Variants in CDH10 observed in about 807,000 individuals in gnomAD.
CDH10 encodes the protein cadherin-10.
CDH10 carries 30 observed loss-of-function variants against 73.1 expected under a neutral mutation model. The ratio of observed to expected loss-of-function variants is 0.41; its 90% CI spans 0.31 to 0.56. The LOEUF (loss-of-function observed/expected upper bound fraction) is 0.56. CDH10 is among the 20% of genes least tolerant of loss of function. The pLI, the probability that CDH10 is intolerant of heterozygous loss-of-function variation, is 0.27. For missense variants in CDH10, 815 were observed against 973.7 expected (o/e 0.84, Z 2.17); for synonymous variants, 345 against 348.2 (o/e 0.99, Z 0.10).
At chr5:24,546,880 C>A (rs72749771) in intron 2 of CDH10, among the ~76,000 whole-genome samples, 1 of 151,824 alleles carries the variant, frequency 6.6e-6, no homozygotes, top group Non-Finnish European at 1.5e-5. Flanking sequence ...AGATGTCAAA[C>A]AAATAAATAA....
chr5:24,493,128 A>T lies in CDH10; in HGVS notation c.1516-203T>A, dbSNP rs112755207. Reference sequence around the variant, plus strand: ...CTCTCATCTCTGTGTCTTTTGGATCATACCCTTTACTTCAAAATGGTAAAT... The same window carrying T: ...CTCTCATCTCTGTGTCTTTTGGATCTTACCCTTTACTTCAAAATGGTAAAT... On this transcript the variant is annotated intron_variant, in intron 9 of 11. Coordinates refer to ENST00000264463, the MANE Select transcript of CDH10 (RefSeq NM_006727.5). 3.2e-3 allele frequency among the ~76,000 whole-genome samples: 480 copies of T among 152,114 alleles called. 2 individuals are homozygous for T. Among genetic ancestry groups the T allele is most frequent in the African/African-American group, 0.011 (464 of 41,556 alleles).
At position 24,491,861 on chromosome 5, in the gene CDH10, G is replaced by A. The variant is rs145810879; in HGVS notation, c.1625-34C>T. ...AATTTTAAAATATTACAAATGGTTT[G>A]GGATAGTAAATTTTTCCCAATGTGA... On this transcript the variant is annotated intron_variant, in intron 10 of 11. Coordinates refer to ENST00000264463, the MANE Select transcript of CDH10 (RefSeq NM_006727.5). 1.1e-3 allele frequency: 1,574 copies of A among 1,450,452 alleles called. 2 individuals carry two copies. The highest frequency in any genetic ancestry group is 1.4e-3 in the Non-Finnish European group (1,504 of 1,056,446). 89.8% of individuals were successfully genotyped at this position (1,450,452 alleles called of 1,614,324 possible). A position where few individuals can be genotyped will look rare whatever the true frequency, so the allele number is the denominator to read the frequency against.
intron 2 of CDH10, among the ~76,000 whole-genome samples, chr5:24,543,692 CCAA>C (rs1000362727): frequency 2.6e-5 from 4 of 151,734 alleles, no homozygotes; most frequent in East Asian, 1.9e-4. Flanking sequence ...AAATTTGCAC[CCAA>C]CAACAACAAC....
chr5:24,582,021 T>C (rs10942061), intron 2 of CDH10, among the ~76,000 whole-genome samples: 58,418 of 152,068 alleles, frequency 0.38, 13,654 homozygotes, highest in East Asian at 0.54. Flanking sequence ...GTTTTACTGG[T>C]TACAACTTAG....
intron 2 of CDH10, among the ~76,000 whole-genome samples, chr5:24,572,069 A>G (rs1745403726): frequency 6.6e-6 from 1 of 151,272 alleles, no homozygotes; most frequent in African/African-American, 2.5e-5. Flanking sequence ...TCAGGAAACA[A>G]GCAAACAAAC....
intron 1 of CDH10, among the ~76,000 whole-genome samples, chr5:24,617,457 T>C (rs1747164167): frequency 6.6e-6 from 1 of 152,182 alleles, no homozygotes; most frequent in Non-Finnish European, 1.5e-5. Context: ...TTAAGCATAC[T>C]GATCATTAGT....
intron 1 of CDH10, among the ~76,000 whole-genome samples, chr5:24,601,311 G>A (rs2112117639): frequency 6.6e-6 from 1 of 152,298 alleles, no homozygotes; most frequent in African/African-American, 2.4e-5. Flanking sequence ...GTAATGTTAT[G>A]TGATTTGCTC....
intron 5 of CDH10, among the ~76,000 whole-genome samples, chr5:24,524,486 A>G (rs899525700): frequency 1.7e-5 from 2 of 117,634 alleles, no homozygotes; most frequent in African/African-American, 6.2e-5. Flanking sequence ...ACCTATTTGC[A>G]TGCTCCTTAT....
chr5:24,588,472 A>C (rs1746093445), intron 2 of CDH10, among the ~76,000 whole-genome samples: 1 of 152,178 alleles, frequency 6.6e-6, no homozygotes, highest in South Asian at 2.1e-4. Flanking sequence ...TCAGTTATGA[A>C]GTAGAGTGTT....
chr5:24,570,062 G>A (rs1046634422), intron 2 of CDH10, among the ~76,000 whole-genome samples: 4 of 152,070 alleles, frequency 2.6e-5, no homozygotes, highest in African/African-American at 9.7e-5. Context: ...CACTGCGCCC[G>A]GCCAACAAGT....
chr5:24,581,262 AT>A (rs35350572), intron 2 of CDH10, among the ~76,000 whole-genome samples: 58,371 of 151,952 alleles, frequency 0.38, 13,646 homozygotes, highest in East Asian at 0.54. Context: ...GAACCTCTCA[AT>A]TTTAAAGCAT....
chr5:24,613,289 A>G (rs928802593), intron 1 of CDH10: 6 of 152,090 alleles, frequency 3.9e-5, no homozygotes, highest in Admixed American at 3.9e-4. Flanking sequence ...AGGAAAAACA[A>G]TGCATACGTA....
chr5:24,580,429 T>C (rs887469984), intron 2 of CDH10, among the ~76,000 whole-genome samples: 2 of 152,194 alleles, frequency 1.3e-5, no homozygotes, highest in Non-Finnish European at 2.9e-5. Context: ...GATGGAATTA[T>C]TGCTTTCATG....
intron 3 of CDH10, among the ~76,000 whole-genome samples, chr5:24,536,879 T>C (rs1002045480): frequency 1.3e-5 from 2 of 151,980 alleles, no homozygotes; most frequent in Admixed American, 6.6e-5. Flanking sequence ...TACATAATAA[T>C]TATAATGATA....
intron 1 of CDH10, among the ~76,000 whole-genome samples, chr5:24,615,126 C>T (rs528249377): frequency 6.6e-6 from 1 of 152,298 alleles, no homozygotes; most frequent in East Asian, 1.9e-4. Flanking sequence ...CTCCAAACTC[C>T]TTTCTCACTG....
At chr5:24,638,982 A>C (rs1238185823) in intron 1 of CDH10, among the ~76,000 whole-genome samples, 2 of 151,668 alleles carry the variant, frequency 1.3e-5, no homozygotes, top group Admixed American at 1.3e-4. Context: ...GAGGTATAAA[A>C]ATTTTAACGT....
Position 24,593,503 on chromosome 5 carries a change from G to GA in CDH10, c.-14dup. The GA allele has an allele frequency of 1.4e-6, 2 of 1,442,058 alleles. No homozygotes were observed. The highest frequency in any genetic ancestry group is 2.0e-6 in the Non-Finnish European group (2 of 1,024,024). The allele number at this position is 1,442,058 out of a possible 1,614,324, so 89.3% of individuals were successfully genotyped here. ...GATGTATTGTCATAGTTCACTTCTT[G>GA]ACAAATCCCAGTGTAGATGAAGAGA... On this transcript the variant is annotated 5_prime_UTR_variant, in exon 2 of 12. Transcript: ENST00000264463.
intron 2 of CDH10, among the ~76,000 whole-genome samples, chr5:24,549,551 C>CT (rs56094828): frequency 0.012 from 1,589 of 133,462 alleles, 42 homozygotes; most frequent in African/African-American, 0.038. Flanking sequence ...AATGGAATGA[C>CT]TTTTTTTTTT....
Position 24,498,408 on chromosome 5 carries a change from C to T in CDH10, c.1505G>A (p.Arg502Lys), listed in dbSNP as rs2111683055. The change falls in exon 9 of 12, where the codon AGA becomes AAA. Residue 502 changes from arginine (R) to lysine (K), a missense_variant. This residue lies in a region of CDH10 where 516 missense variants were observed against 636.6 expected (regional missense o/e 0.81). Coordinates refer to ENST00000264463, the MANE Select transcript of CDH10 (RefSeq NM_006727.5). Reference sequence around the variant, plus strand: ...CCTGTAGGGGCTTACCTGCCCTGGTCTGGCATTTTCACATACAAAAGTGTC... The same window carrying T: ...CCTGTAGGGGCTTACCTGCCCTGGTTTGGCATTTTCACATACAAAAGTGTC... ...FYDTFVCENA[R>K]PGQLIQTISA... 1 of 1,605,686 alleles carries T rather than the reference C, an allele frequency of 6.2e-7. No individual in the cohort carries two copies. Among genetic ancestry groups the T allele is most frequent in the Non-Finnish European group, 8.5e-7 (1 of 1,172,908 alleles).
Sources: allele counts gnomAD v4.1 joint callset (sites outside exome capture counted in the v4.1 genomes callset), GRCh38; gene constraint gnomAD v4.1.1; regional missense constraint gnomAD v4.1.1; transcripts MANE v1.5; gene names NCBI Gene and HGNC (gene_info 2026-07-23, HGNC 2026-07-21).